Variants in SP110 observed in about 807,000 individuals in gnomAD.
SP110 encodes interferon-induced protein 41, 30kD.
In SP110, 62 loss-of-function variants were observed where a neutral mutation model predicts 92.7. The observed-to-expected ratio is 0.67, with a 90% CI of 0.55 to 0.83. SP110 has a LOEUF of 0.83. Ranked by LOEUF, SP110 falls within the 40% of genes least tolerant of loss-of-function variation. The pLI, the probability that SP110 is intolerant of heterozygous loss-of-function variation, is 0.00. For missense variants in SP110, 793 were observed against 863.9 expected, an observed-to-expected ratio of 0.92 and a Z score of 1.03; for synonymous variants, 273 against 305.3, an observed-to-expected ratio of 0.89 and a Z score of 1.10.
At chr2:230,217,510 A>T (rs1449238849) in intron 1 of SP110, among the ~76,000 whole-genome samples, 6 of 152,184 alleles carry the variant, frequency 3.9e-5, no homozygotes, top group Non-Finnish European at 7.3e-5. Context: ...AAAAGTAGCT[A>T]ATATTTATGG....
intron 14 of SP110, 173 bp downstream of exon 14, chr2:230,177,365 A>G: frequency 1.3e-6 from 1 of 743,014 alleles, no homozygotes. Flanking sequence ...CACCATCAGG[A>G]ACAATATGTG....
At chr2:230,184,486 C>T (rs999936194) in intron 11 of SP110, among the ~76,000 whole-genome samples, 1 of 152,116 alleles carries the variant, frequency 6.6e-6, no homozygotes, top group Non-Finnish European at 1.5e-5. Flanking sequence ...ATGACACACA[C>T]GACAGCCTCC....
In SP110 at chr2:230,168,917, A is replaced by ATTTTTT. The variant is rs1553839905; in HGVS notation, c.*201_*206dup. On this transcript the variant is annotated 3_prime_UTR_variant, in exon 19 of 19. Transcript: ENST00000258381. ...ATCTGATGGTATTAAGGAAGTATTA[A>ATTTTTT]TTTTTTTTTTTTTTAGTGTAGATAT... is the stretch of plus-strand genomic sequence containing the variant. 1.2e-3 allele frequency: 498 copies of ATTTTTT among 425,820 alleles called. 5 individuals are homozygous for ATTTTTT. Among genetic ancestry groups the ATTTTTT allele is most frequent in the Middle Eastern group, 2.1e-3 (3 of 1,428 alleles). 26.4% of individuals were successfully genotyped at this position (425,820 alleles called of 1,614,324 possible).
intron 14 of SP110, among the ~76,000 whole-genome samples, chr2:230,174,542 A>C (rs1159006372): frequency 6.6e-6 from 1 of 152,062 alleles, no homozygotes; most frequent in Non-Finnish European, 1.5e-5. Flanking sequence ...TGGGCTTCTG[A>C]TACAAAAAAA....
In SP110 at chr2:230,166,039, G is replaced by A. The variant is rs1014792317; in HGVS notation, c.*3085C>T. Among the ~76,000 whole-genome samples, 22 of 151,860 alleles carry A rather than the reference G, an allele frequency of 1.4e-4. No individual in the cohort carries two copies. Among genetic ancestry groups the A allele is most frequent in the African/African-American group, 4.8e-4 (20 of 41,402 alleles). ...CTCTTGAGTAGCTGGGACTACAGGC[G>A]CCCGCCACCACGCCTGGCTAATTTT... On this transcript the variant is annotated 3_prime_UTR_variant, in exon 19 of 19. Transcript: ENST00000258381.
chr2:230,193,140 A>C (rs756560594), intron 10 of SP110, among the ~76,000 whole-genome samples: 7 of 152,124 alleles, frequency 4.6e-5, no homozygotes, highest in Non-Finnish European at 7.4e-5. Context: ...TGTTGCTTTA[A>C]AGTCTGTTTT....
Position 230,176,489 on chromosome 2 carries a change from A to T in SP110, c.1590+1049T>A. On this transcript the variant is annotated intron_variant, in intron 14 of 18. Coordinates refer to ENST00000258381, the MANE Select transcript of SP110 (RefSeq NM_080424.4). The stretch of plus-strand genomic sequence containing the variant: ...TGGACATGATGAGCTTTTTCATTTA[A>T]TTTTTATTTTAGAGTCATTTGCTTC... 5 of 1,486,994 alleles carry T rather than the reference A, an allele frequency of 3.4e-6. No individual in the cohort carries two copies. In the Admixed American group the frequency reaches 7.3e-5, roughly 22 times the overall value. The allele number at this position is 1,486,994 out of a possible 1,614,324, so 92.1% of individuals were successfully genotyped here. A position where few individuals can be genotyped will look rare whatever the true frequency, so the allele number is the denominator to read the frequency against.
intron 8 of SP110, chr2:230,203,521 C>T (rs1168150540): frequency 6.6e-6 from 1 of 152,234 alleles, no homozygotes; most frequent in Non-Finnish European, 1.5e-5. Flanking sequence ...CGGTGGGACC[C>T]AGGGCTGGCG....
At chr2:230,188,196 C>T (rs2042444716) in intron 10 of SP110, among the ~76,000 whole-genome samples, 1 of 152,140 alleles carries the variant, frequency 6.6e-6, no homozygotes, top group African/African-American at 2.4e-5. Flanking sequence ...CTGTAGAAAT[C>T]TTTCATCTCC....
chr2:230,219,709 G>A (rs555393812), intron 1 of SP110, 165 bp downstream of exon 1: 302 of 156,920 alleles, frequency 1.9e-3, no homozygotes, highest in African/African-American at 6.8e-3. Context: ...TTCCCTCCAT[G>A]TGCCCCCTTT....
At position 230,165,997 on chromosome 2, in the gene SP110, G is replaced by A. The variant is rs995438446; in HGVS notation, c.*3127C>T. ...CAACCTCCACCTCCCGGGTTCAAGC[G>A]ATTCTCCTGCCTCAGCCTCTTGAGT... On this transcript the variant is annotated 3_prime_UTR_variant, in exon 19 of 19. Transcript: ENST00000258381. Among the ~76,000 whole-genome samples, 4 of 151,216 alleles carry A rather than the reference G, an allele frequency of 2.6e-5. No homozygotes were observed. Among genetic ancestry groups the A allele is most frequent in the African/African-American group, 7.3e-5 (3 of 41,060 alleles).
At chr2:230,194,249 A>G (rs1559155158) in intron 10 of SP110, among the ~76,000 whole-genome samples, 2 of 152,108 alleles carry the variant, frequency 1.3e-5, no homozygotes, top group South Asian at 2.1e-4. Flanking sequence ...AGAATCCAAG[A>G]GAATCCCCAC....
intron 8 of SP110, among the ~76,000 whole-genome samples, chr2:230,206,527 T>C (rs2043819094): frequency 6.8e-6 from 1 of 147,722 alleles, no homozygotes; most frequent in South Asian, 2.2e-4. Flanking sequence ...AGAATACCTT[T>C]ATTTTATTGA....
chr2:230,210,949 A>G (rs1025963376), intron 6 of SP110, among the ~76,000 whole-genome samples: 8 of 152,166 alleles, frequency 5.3e-5, no homozygotes, highest in Admixed American at 4.6e-4. Context: ...TGGAAGGAGG[A>G]CCATCCATGT....
intron 10 of SP110, among the ~76,000 whole-genome samples, chr2:230,191,935 C>T (rs1313043580): frequency 2.0e-5 from 3 of 152,188 alleles, no homozygotes; most frequent in Non-Finnish European, 4.4e-5. Context: ...AACTTATTCA[C>T]CATGATCAAG....
At chr2:230,221,801 C>A, upstream of SP110, 1 of 1,310,716 alleles carries the variant, frequency 7.6e-7, no homozygotes, top group Non-Finnish European at 1.1e-6. Context: ...AGAGATACAC[C>A]AGGCAAATGC....
chr2:230,170,894 T>C (rs1356845776), intron 17 of SP110, 133 bp from the exon 18 acceptor site: 9 of 881,240 alleles, frequency 1.0e-5, no homozygotes, highest in Non-Finnish European at 1.7e-5. Context: ...AAGCCAGCTA[T>C]TGTTCTAGGC....
chr2:230,171,973 G>T, intron 16 of SP110, 93 bp downstream of exon 16: 1 of 874,560 alleles, frequency 1.1e-6, no homozygotes, highest in Non-Finnish European at 2.0e-6. Flanking sequence ...GACATTGAAG[G>T]CTCCCTTTGG....
intron 11 of SP110, among the ~76,000 whole-genome samples, chr2:230,184,060 G>A (rs1560538294): frequency 6.6e-6 from 1 of 152,214 alleles, no homozygotes; most frequent in Non-Finnish European, 1.5e-5. Context: ...TGGGTGGGCT[G>A]CGTATACAGC....
Sources: allele counts gnomAD v4.1 joint callset (sites outside exome capture counted in the v4.1 genomes callset), GRCh38; gene constraint gnomAD v4.1.1; transcripts MANE v1.5; gene names NCBI Gene and HGNC (gene_info 2026-07-23, HGNC 2026-07-21).